CXADR: variants seen among roughly 807,000 people sequenced by gnomAD.
CXADR encodes CXADR cell adhesion molecule, also known as coxsackievirus and adenovirus receptor.
A neutral mutation model predicts 40.3 loss-of-function variants in CXADR; 20 were observed. That is an observed-to-expected ratio of 0.50 (90% CI 0.35 to 0.72). The LOEUF (loss-of-function observed/expected upper bound fraction) is 0.72, where lower values mean the gene tolerates loss of function less well. Ranked by LOEUF, CXADR falls within the 30% of genes least tolerant of loss-of-function variation. The pLI, the probability that CXADR is intolerant of heterozygous loss-of-function variation, is 0.01. For synonymous variants in CXADR, 150 were observed against 161.3 expected (o/e 0.93, Z 0.53); for missense variants, 332 against 449.1 (o/e 0.74, Z 2.36).
At chr21:17,600,456 C>T in the CXADR span, among the ~76,000 whole-genome samples, 2 of 152,286 alleles carry the variant, frequency 1.3e-5, no homozygotes, top group East Asian at 3.9e-4. Context: ...TAGCACTCGT[C>T]TCAAATTATT....
the CXADR span, among the ~76,000 whole-genome samples, chr21:17,628,630 A>T: frequency 8.3e-3 from 1,258 of 152,166 alleles, 16 homozygotes; most frequent in Admixed American, 0.014. Context: ...CCTCCCGAGT[A>T]GCTGGAATTA....
Position 17,547,103 on chromosome 21 carries a change from A to G in CXADR, c.120A>G (p.Pro40=), listed in dbSNP as rs1063521. The G allele has an allele frequency of 9.2e-4, 1,484 of 1,614,180 alleles. 12 individuals are homozygous for G. The African/African-American group carries it at 0.015, about 17-fold the overall frequency. ...CCAAAGGGGAAACTGCCTATCTGCC[A>G]TGCAAATTTACGCTTAGTCCCGAAG... ...EKAKGETAYL[P]CKFTLSPEDQ... The change falls in exon 2 of 7, where the codon CCA becomes CCG. Residue 40 remains proline, a synonymous_variant. Coordinates refer to ENST00000284878, the MANE Select transcript of CXADR (RefSeq NM_001338.5).
At chr21:17,630,994 G>A in the CXADR span, among the ~76,000 whole-genome samples, 1 of 152,068 alleles carries the variant, frequency 6.6e-6, no homozygotes, top group African/African-American at 2.4e-5. Flanking sequence ...AGAGAGATAA[G>A]GCAACTCCCT....
chr21:17,527,109 C>T (rs2060607006), intron 1 of CXADR: 1 of 152,130 alleles, frequency 6.6e-6, no homozygotes, highest in African/African-American at 2.4e-5. Context: ...AGGTAATATA[C>T]TATTTCGGTT....
At chr21:17,610,886 A>C in the CXADR span, among the ~76,000 whole-genome samples, 1 of 152,314 alleles carries the variant, frequency 6.6e-6, no homozygotes, top group East Asian at 1.9e-4. Flanking sequence ...CTTTATTCCA[A>C]GTGCAAATTC....
intron 1 of CXADR, among the ~76,000 whole-genome samples, chr21:17,546,017 G>A (rs567352301): frequency 6.6e-6 from 1 of 152,238 alleles, no homozygotes; most frequent in Admixed American, 6.5e-5. Context: ...GACTTCAGAT[G>A]ATTCACCTAC....
downstream of CXADR, among the ~76,000 whole-genome samples, chr21:17,574,381 A>G (rs2824370): frequency 0.58 from 72,371 of 124,308 alleles, 20,790 homozygotes; most frequent in Non-Finnish European, 0.67. Context: ...TTTATCCTGA[A>G]TATTTTATTT....
the CXADR span, chr21:17,612,902 G>C: frequency 6.6e-6 from 1 of 151,958 alleles, no homozygotes. Context: ...GCACACGAGT[G>C]AGCGCAGCCC....
chr21:17,546,678 A>G (rs984155317), intron 1 of CXADR, among the ~76,000 whole-genome samples: 2 of 152,222 alleles, frequency 1.3e-5, no homozygotes, highest in African/African-American at 4.8e-5. Context: ...GCGGGGTCAC[A>G]AATCCAACCT....
At chr21:17,615,902 T>G in the CXADR span, among the ~76,000 whole-genome samples, 2 of 152,192 alleles carry the variant, frequency 1.3e-5, no homozygotes, top group African/African-American at 2.4e-5. Context: ...AGGACTTATT[T>G]TCACTAAATA....
chr21:17,593,586 G>A (rs1420069084), downstream of CXADR: 1 of 163,326 alleles, frequency 6.1e-6, no homozygotes, highest in Non-Finnish European at 1.3e-5. Flanking sequence ...TTGCTATTTA[G>A]TTAAATACAT....
At chr21:17,534,100 A>ATATTTTT (rs1179683085) in intron 1 of CXADR, among the ~76,000 whole-genome samples, 7 of 60,070 alleles carry the variant, frequency 1.2e-4, no homozygotes, top group East Asian at 5.9e-4. Flanking sequence ...ATATATATAT[A>ATATTTTT]TTTTTTTTTT....
the CXADR span, among the ~76,000 whole-genome samples, chr21:17,627,202 C>T: frequency 2.0e-5 from 3 of 151,874 alleles, no homozygotes; most frequent in African/African-American, 4.8e-5. Flanking sequence ...ACTAAAAATA[C>T]AAAATTAGCC....
chr21:17,559,676 T>TTG (rs1569128135), intron 4 of CXADR, among the ~76,000 whole-genome samples: 12 of 145,398 alleles, frequency 8.3e-5, no homozygotes, highest in South Asian at 4.4e-4. Context: ...TGGGTTTTTT[T>TTG]TTTTTTTTTT....
At chr21:17,608,196 T>C in the CXADR span, among the ~76,000 whole-genome samples, 2 of 151,992 alleles carry the variant, frequency 1.3e-5, no homozygotes, top group Non-Finnish European at 2.9e-5. Context: ...CAAGATCCCA[T>C]CTATACAAAA....
intron 3 of CXADR, among the ~76,000 whole-genome samples, chr21:17,554,988 G>A (rs531714964): frequency 1.1e-4 from 16 of 152,306 alleles, no homozygotes; most frequent in Admixed American, 5.9e-4. Flanking sequence ...GGGGCAGCAT[G>A]TTGCTGTAGC....
In CXADR at chr21:17,567,903, C is replaced by A; in HGVS notation, c.*2211C>A. ...ACATATGAGGAACAAGACTTCTCTTCCCATATACTTCATATTTTAGAGGAC... is the reference window on the plus strand; with the variant it reads ...ACATATGAGGAACAAGACTTCTCTTACCATATACTTCATATTTTAGAGGAC... On this transcript the variant is annotated 3_prime_UTR_variant, in exon 7 of 7. Transcript: ENST00000284878. 1.0e-6 allele frequency: 1 copy of A among 977,566 alleles called. No individual in the cohort carries two copies. Among genetic ancestry groups the A allele is most frequent in the Non-Finnish European group, 1.2e-6 (1 of 823,376 alleles). The allele number at this position is 977,566 out of a possible 1,614,324, so 60.6% of individuals were successfully genotyped here. A position where few individuals can be genotyped will look rare whatever the true frequency, so the allele number is the denominator to read the frequency against.
chr21:17,518,459 G>A, intron 1 of CXADR: 1 of 723,226 alleles, frequency 1.4e-6, no homozygotes. Context: ...CTCTGTGTCT[G>A]TAAAACTTTG....
At chr21:17,554,476 A>G (rs2061009036) in intron 3 of CXADR, among the ~76,000 whole-genome samples, 1 of 152,186 alleles carries the variant, frequency 6.6e-6, no homozygotes, top group Admixed American at 6.5e-5. Context: ...GTCAGCCTTC[A>G]GTTCAAACCA....
Sources: gnomAD v4.1 joint callset for allele counts (sites outside exome capture counted in the v4.1 genomes callset) on GRCh38, gnomAD v4.1.1 for gene constraint, MANE v1.5 for transcripts, NCBI Gene and HGNC (gene_info 2026-07-23, HGNC 2026-07-21) for gene names.